The following PAPPA2 variants were observed in gnomAD, a reference collection of about 807,000 sequenced individuals.
PAPPA2 encodes the protein pappalysin 2.
Under a neutral mutation model 176.4 loss-of-function variants are expected in PAPPA2, and 86 were observed. The observed-to-expected ratio is 0.49, with a 90% CI of 0.41 to 0.58. The LOEUF is 0.58. PAPPA2 is among the 20% of genes least tolerant of loss of function. The pLI is 0.00. For missense variants in PAPPA2, 2,073 were observed against 2,256.9 expected, an observed-to-expected ratio of 0.92 and a Z score of 1.65; for synonymous variants, 809 against 852.2, an observed-to-expected ratio of 0.95 and a Z score of 0.88.
At chr1:176,663,761 T>G (rs1479526252) in intron 3 of PAPPA2, among the ~76,000 whole-genome samples, 2 of 152,146 alleles carry the variant, frequency 1.3e-5, no homozygotes, top group African/African-American at 2.4e-5. Flanking sequence ...TAAGTTCTTC[T>G]GGTCTGAGAG....
chr1:176,839,828 A>G (rs1667416037), intron 21 of PAPPA2, among the ~76,000 whole-genome samples: 1 of 152,162 alleles, frequency 6.6e-6, no homozygotes, highest in Non-Finnish European at 1.5e-5. Context: ...TCCCATGCTC[A>G]ACAGAGTTAA....
intron 12 of PAPPA2, among the ~76,000 whole-genome samples, chr1:176,727,572 T>C (rs1380772978): frequency 6.6e-6 from 1 of 152,036 alleles, no homozygotes; most frequent in Non-Finnish European, 1.5e-5. Flanking sequence ...AATTATAAAT[T>C]GACAGAACTA....
At chr1:176,577,310 C>A (rs777243313) in intron 2 of PAPPA2, among the ~76,000 whole-genome samples, 1 of 152,170 alleles carries the variant, frequency 6.6e-6, no homozygotes, top group Non-Finnish European at 1.5e-5. Context: ...CATTGACTTC[C>A]ACCCTGCACA....
chr1:176,494,194 A>T (rs1194628903), intron 1 of PAPPA2, among the ~76,000 whole-genome samples: 1 of 152,166 alleles, frequency 6.6e-6, no homozygotes. Context: ...GAGTCTGTTC[A>T]GCACCACCAG....
intron 3 of PAPPA2, among the ~76,000 whole-genome samples, chr1:176,599,253 C>G (rs943138470): frequency 6.6e-6 from 1 of 151,800 alleles, no homozygotes; most frequent in Non-Finnish European, 1.5e-5. Flanking sequence ...AGCATCTTAT[C>G]CTTAGCCTTG....
chr1:176,805,838 G>A (rs1665880253), intron 21 of PAPPA2, among the ~76,000 whole-genome samples: 1 of 151,670 alleles, frequency 6.6e-6, no homozygotes, highest in South Asian at 2.1e-4. Context: ...TGAAAAGTTA[G>A]CCAGCTAACT....
At chr1:176,595,795 A>G (rs952545196) in intron 3 of PAPPA2, among the ~76,000 whole-genome samples, 200 bp downstream of exon 3, 1 of 152,220 alleles carries the variant, frequency 6.6e-6, no homozygotes, top group African/African-American at 2.4e-5. Flanking sequence ...GAAAAGAGAC[A>G]GTCCTCACAG....
chr1:176,514,957 A>C (rs2102528825), intron 1 of PAPPA2, among the ~76,000 whole-genome samples: 1 of 152,318 alleles, frequency 6.6e-6, no homozygotes, highest in Middle Eastern at 3.4e-3. Flanking sequence ...AGTGTATATT[A>C]AGCATTGAGG....
chr1:176,737,824 C>T (rs1037638029), intron 12 of PAPPA2, among the ~76,000 whole-genome samples: 3 of 152,042 alleles, frequency 2.0e-5, no homozygotes, highest in African/African-American at 7.2e-5. Flanking sequence ...ACACTCACAC[C>T]ATAAGGCCTA....
intron 3 of PAPPA2, among the ~76,000 whole-genome samples, chr1:176,600,959 A>G (rs1033905950): frequency 6.6e-6 from 1 of 152,042 alleles, no homozygotes; most frequent in African/African-American, 2.4e-5. Context: ...TCTTCCTGCT[A>G]TGGTTCCAAT....
At chr1:176,586,772 T>C (rs544581883) in intron 2 of PAPPA2, among the ~76,000 whole-genome samples, 2 of 152,374 alleles carry the variant, frequency 1.3e-5, no homozygotes, top group South Asian at 2.1e-4. Flanking sequence ...TGTGTCTTTA[T>C]AGTAGAATGA....
In PAPPA2 at chr1:176,711,905, G is replaced by A. The variant is rs1320655389; in HGVS notation, c.3722G>A (p.Ser1241Asn). The change falls in exon 12 of 23, where the codon AGT becomes AAT. Residue 1241 changes from serine (S) to asparagine (N), a missense_variant. Coordinates refer to ENST00000367662, the MANE Select transcript of PAPPA2 (RefSeq NM_020318.3). ...PLTGWFPCVA[S>N]ENETQDDRSE... ...ACTGGCTGGTTTCCCTGTGTTGCCA[G>A]TGAAAATGAAACTCAGGATGACAGG... The A allele has an allele frequency of 1.2e-6, 2 of 1,613,728 alleles. No homozygotes were observed. The highest frequency in any genetic ancestry group is 1.3e-5 in the African/African-American group (1 of 75,026).
chr1:176,764,837 C>A (rs1663876842), intron 14 of PAPPA2, among the ~76,000 whole-genome samples: 1 of 152,170 alleles, frequency 6.6e-6, no homozygotes, highest in Non-Finnish European at 1.5e-5. Flanking sequence ...ACCTCGTGAT[C>A]CGCCCGCCTT....
intron 1 of PAPPA2, among the ~76,000 whole-genome samples, chr1:176,488,247 T>TA (rs1652734105): frequency 1.3e-5 from 2 of 152,106 alleles, no homozygotes; most frequent in Admixed American, 1.3e-4. Context: ...TCATTACTCT[T>TA]ATGGATGTTA....
intron 1 of PAPPA2, among the ~76,000 whole-genome samples, chr1:176,546,000 A>T (rs1366190853): frequency 2.0e-5 from 3 of 152,224 alleles, no homozygotes; most frequent in Non-Finnish European, 4.4e-5. Context: ...AGAGGAAGGC[A>T]GAAACAGAGC....
chr1:176,634,954 G>GATAGATAA (rs1172510122), intron 3 of PAPPA2, among the ~76,000 whole-genome samples: 28 of 124,804 alleles, frequency 2.2e-4, no homozygotes, highest in African/African-American at 7.9e-4. Flanking sequence ...TAGGTAGATA[G>GATAGATAA]ATAGATAGAT....
At chr1:176,822,568 G>C (rs1666707307) in intron 21 of PAPPA2, among the ~76,000 whole-genome samples, 1 of 152,120 alleles carries the variant, frequency 6.6e-6, no homozygotes, top group Non-Finnish European at 1.5e-5. Flanking sequence ...ATAAATATAG[G>C]TATTCTGAGC....
intron 1 of PAPPA2, among the ~76,000 whole-genome samples, chr1:176,537,867 T>C (rs896591975): frequency 7.2e-5 from 11 of 152,088 alleles, no homozygotes; most frequent in African/African-American, 2.4e-4. Flanking sequence ...CTTGGACTTC[T>C]GTTGCTTCTT....
At chr1:176,600,476 A>G (rs1004645075) in intron 3 of PAPPA2, among the ~76,000 whole-genome samples, 3 of 151,802 alleles carry the variant, frequency 2.0e-5, no homozygotes, top group Admixed American at 6.6e-5. Flanking sequence ...GGAGATCGAG[A>G]CCATCCTGGC....
Sources: gnomAD v4.1 joint callset for allele counts (sites outside exome capture counted in the v4.1 genomes callset) on GRCh38, gnomAD v4.1.1 for gene constraint, MANE v1.5 for transcripts, NCBI Gene and HGNC (gene_info 2026-07-23, HGNC 2026-07-21) for gene names.